PAGE2B: variants seen among roughly 807,000 people sequenced by gnomAD.
PAGE2B encodes PAGE family member 2B, also known as putative G antigen family E member 3.
A neutral mutation model predicts 7.6 loss-of-function variants in PAGE2B; 5 were observed. That is an observed-to-expected ratio of 0.66 (90% CI 0.34 to 1.38). The LOEUF is 1.38. Among genes scored for constraint, PAGE2B ranks in the 40% most tolerant of loss-of-function variants. The pLI is 0.04. For missense variants in PAGE2B, 70 were observed against 78.4 expected, an observed-to-expected ratio of 0.89 and a Z score of 0.41; for synonymous variants, 29 against 26.7, an observed-to-expected ratio of 1.09 and a Z score of -0.27.
At chrX:55,068,813 A>G in the PAGE2B span, among the ~76,000 whole-genome samples, 1 of 111,249 alleles carries the variant, frequency 9.0e-6, no homozygotes, top group African/African-American at 3.3e-5. Flanking sequence ...GTGAATGGGA[A>G]TTCACTCATG....
the PAGE2B span, among the ~76,000 whole-genome samples, chrX:55,033,382 T>C: frequency 9.0e-6 from 1 of 110,977 alleles, no homozygotes; most frequent in East Asian, 2.8e-4. Flanking sequence ...AGCCCGTGAG[T>C]GTAGGTGGCT....
upstream of PAGE2B, among the ~76,000 whole-genome samples, chrX:55,072,308 T>C (rs2146463408): frequency 8.9e-6 from 1 of 112,518 alleles, no homozygotes; most frequent in East Asian, 2.8e-4. Context: ...TGTTTGTTAG[T>C]TTTTCTTCTA....
chrX:55,037,699 A>G, the PAGE2B span, among the ~76,000 whole-genome samples: 1 of 110,921 alleles, frequency 9.0e-6, no homozygotes, highest in African/African-American at 3.3e-5. Flanking sequence ...TGGCACATAT[A>G]CACTATGGAA....
chrX:55,052,102 C>G, the PAGE2B span, among the ~76,000 whole-genome samples: 8 of 111,912 alleles, frequency 7.1e-5, no homozygotes, highest in Admixed American at 7.6e-4. Flanking sequence ...TGGGTATCAG[C>G]AGTGGTGGCT....
chrX:55,041,884 T>C, the PAGE2B span, among the ~76,000 whole-genome samples: 2 of 111,255 alleles, frequency 1.8e-5, no homozygotes, highest in African/African-American at 6.6e-5. Context: ...GGCAGCAAAA[T>C]TGGCATAGAA....
chrX:55,042,641 G>A, the PAGE2B span, among the ~76,000 whole-genome samples: 6 of 60,112 alleles, frequency 1.0e-4, no homozygotes, highest in African/African-American at 4.3e-4. Flanking sequence ...GCGACAGAGC[G>A]AGACTCCGTC....
chrX:55,076,444 G>T, intron 2 of PAGE2B, 125 bp from the exon 3 acceptor site: 1 of 637,169 alleles, frequency 1.6e-6, no homozygotes, highest in Non-Finnish European at 2.4e-6. Context: ...ATACATATAT[G>T]TATATACATA....
At chrX:55,062,043 T>A in the PAGE2B span, among the ~76,000 whole-genome samples, 201 of 111,977 alleles carry the variant, frequency 1.8e-3, 1 homozygote, top group African/African-American at 6.4e-3. Flanking sequence ...TTGAGAATAG[T>A]GCTGCTGTAA....
the PAGE2B span, among the ~76,000 whole-genome samples, chrX:55,067,287 T>C: frequency 9.0e-6 from 1 of 110,837 alleles, no homozygotes; most frequent in Non-Finnish European, 1.9e-5. Context: ...CTCCCACTTA[T>C]AAGTGAGAAC....
chrX:55,072,342 G>A (rs765866732), upstream of PAGE2B, among the ~76,000 whole-genome samples: 3 of 112,343 alleles, frequency 2.7e-5, no homozygotes, highest in Admixed American at 9.4e-5. Flanking sequence ...TCTTCTTCAG[G>A]TCCACTCCAT....
At chrX:55,065,760 T>C in the PAGE2B span, among the ~76,000 whole-genome samples, 1 of 112,064 alleles carries the variant, frequency 8.9e-6, no homozygotes, top group African/African-American at 3.2e-5. Context: ...TACTATCTTA[T>C]AACAATTATT....
chrX:55,046,826 C>G, the PAGE2B span, among the ~76,000 whole-genome samples: 1 of 111,729 alleles, frequency 9.0e-6, no homozygotes, highest in Admixed American at 9.5e-5. Context: ...GCAACAATGG[C>G]CTTGGAGACA....
rs1132210 is a variant in PAGE2B at position 55,076,671 on chromosome X, G to A, written c.187G>A (p.Val63Ile). The A allele has an allele frequency of 2.7e-5, 32 of 1,201,011 alleles. No individual in the cohort carries two copies. Among genetic ancestry groups the A allele is most frequent in the East Asian group, 5.9e-5 (2 of 33,626 alleles). The change falls in exon 3 of 5, where the codon GTT (valine) becomes ATT (isoleucine). Residue 63 changes from valine to isoleucine, a missense_variant. Val to Ile is a conservative substitution (Grantham distance 29). Transcript: ENST00000374971. ...GATCGAAAATGAAGGAGCACCTGCC[G>A]TTCAAGGTGAAGGGAGAGTGGAGAA... The part of the protein sequence containing the change: ...GEIENEGAPA[V>I]QGPDMEAFQQ...
At chrX:55,057,050 A>G in the PAGE2B span, among the ~76,000 whole-genome samples, 4 of 111,535 alleles carry the variant, frequency 3.6e-5, no homozygotes, top group Non-Finnish European at 7.5e-5. Context: ...AGGGGGTAGG[A>G]GCATACACAG....
chrX:55,069,453 G>A, the PAGE2B span, among the ~76,000 whole-genome samples: 14 of 111,321 alleles, frequency 1.3e-4, no homozygotes, highest in Non-Finnish European at 5.7e-5. Context: ...GCATTTTATT[G>A]AGGATTTTTG....
At chrX:55,058,930 C>G in the PAGE2B span, among the ~76,000 whole-genome samples, 1 of 110,569 alleles carries the variant, frequency 9.0e-6, no homozygotes, top group African/African-American at 3.3e-5. Flanking sequence ...CAAAAAGGAC[C>G]ATTATATATA....
chrX:55,034,153 CTTCA>C, the PAGE2B span, among the ~76,000 whole-genome samples: 1 of 111,927 alleles, frequency 8.9e-6, no homozygotes, highest in African/African-American at 3.3e-5. Flanking sequence ...CATCTCTCTC[CTTCA>C]TTAGCTATAT....
the PAGE2B span, among the ~76,000 whole-genome samples, chrX:55,031,694 C>T: frequency 9.0e-6 from 1 of 111,433 alleles, no homozygotes; most frequent in Non-Finnish European, 1.9e-5. Flanking sequence ...AGTTACAGAA[C>T]CCACACTCTT....
chrX:55,049,984 T>C, the PAGE2B span, among the ~76,000 whole-genome samples: 1 of 112,258 alleles, frequency 8.9e-6, no homozygotes, highest in Non-Finnish European at 1.9e-5. Flanking sequence ...TTTGAATGTG[T>C]CCCAGAGATT....
Sources: gnomAD v4.1 joint callset for allele counts (sites outside exome capture counted in the v4.1 genomes callset) on GRCh38, gnomAD v4.1.1 for gene constraint, MANE v1.5 for transcripts, NCBI Gene and HGNC (gene_info 2026-07-23, HGNC 2026-07-21) for gene names.